The following GNPTAB variants were observed in gnomAD, a reference collection of about 807,000 sequenced individuals.
GNPTAB encodes N-acetylglucosamine-1-phosphotransferase subunits alpha/beta.
A neutral mutation model predicts 136.6 loss-of-function variants in GNPTAB; 92 were observed. That is an observed-to-expected ratio of 0.67 (90% CI 0.57 to 0.80). The LOEUF (loss-of-function observed/expected upper bound fraction) is 0.80, where lower values mean the gene tolerates loss of function less well. GNPTAB is among the 30% of genes least tolerant of loss of function. GNPTAB has a pLI of 0.00. For synonymous variants in GNPTAB, 512 were observed against 535.1 expected (o/e 0.96, Z 0.60); for missense variants, 1,343 against 1,501.8 (o/e 0.89, Z 1.75).
intron 3 of GNPTAB, 98 bp downstream of exon 3, chr12:101,789,840 T>C: frequency 1.2e-5 from 14 of 1,173,424 alleles, no homozygotes; most frequent in Admixed American, 5.0e-5. Context: ...ATTAGCATGA[T>C]GACTGGGTTT....
intron 1 of GNPTAB, among the ~76,000 whole-genome samples, chr12:101,829,386 G>A (rs1344173332): frequency 6.6e-6 from 1 of 152,146 alleles, no homozygotes; most frequent in African/African-American, 2.4e-5. Flanking sequence ...TCAGGAGGCT[G>A]AGGTAGGAGA....
chr12:101,766,849 G>T (rs11111009), intron 11 of GNPTAB, among the ~76,000 whole-genome samples: 5,883 of 152,258 alleles, frequency 0.039, 417 homozygotes, highest in East Asian at 0.31. Context: ...CAAGTACAGG[G>T]CTTACATTTG....
rs111557137 is a variant in GNPTAB at position 101,813,757 on chromosome 12, T to C, written c.117+16802A>G. On this transcript the variant is annotated intron_variant, in intron 1 of 20. Coordinates refer to ENST00000299314, the MANE Select transcript of GNPTAB (RefSeq NM_024312.5). ...GCTAACACCTGTAAACTCAGCACTT[T>C]GGGAGGCCAAGGCAGGAGGATCACT... is the stretch of plus-strand genomic sequence containing the variant. Among the ~76,000 whole-genome samples, 1,155 of 152,176 alleles carry C rather than the reference T, an allele frequency of 7.6e-3. 18 individuals carry two copies. Among genetic ancestry groups the C allele is most frequent in the African/African-American group, 0.026 (1,075 of 41,518 alleles).
At chr12:101,761,486 T>A (rs1952993931) in intron 14 of GNPTAB, 78 bp downstream of exon 14, 1 of 1,468,292 alleles carries the variant, frequency 6.8e-7, no homozygotes. Flanking sequence ...GCTATAAATT[T>A]AGCATGGTAA....
rs183530599 is a variant in GNPTAB, at chr12:101,804,081, A to T, written c.118-7319T>A. On this transcript the variant is annotated intron_variant, in intron 1 of 20. Coordinates refer to ENST00000299314, the MANE Select transcript of GNPTAB (RefSeq NM_024312.5). ...ACCTTGTCTCTATTTAAAAAAAAAA[A>T]ATTTTTAAAGTTAGCCAAGCCTGGT... 4.9e-3 allele frequency among the ~76,000 whole-genome samples: 750 copies of T among 152,118 alleles called. 6 individuals carry two copies. The highest frequency in any genetic ancestry group is 5.4e-3 in the Non-Finnish European group (370 of 67,976).
rs767720615 is a variant in GNPTAB, at chr12:101,786,124, G to A, written c.459C>T (p.Asp153=). The change falls in exon 5 of 21, where the codon GAC becomes GAT. Residue 153 remains aspartate (D), a synonymous_variant. Coordinates refer to ENST00000299314, the MANE Select transcript of GNPTAB (RefSeq NM_024312.5). ...GAAAAGAAGGATAAAGAGATGGCAG[G>A]TCCTTCAGGGTGATGTTGGCTGGCA... ...PALPANITLK[D]LPSLYPSFHS... 16 of 1,613,900 alleles carry A rather than the reference G, an allele frequency of 9.9e-6. No individual in the cohort carries two copies. The highest frequency in any genetic ancestry group is 1.3e-5 in the Non-Finnish European group (15 of 1,179,938).
At chr12:101,826,873 A>T (rs896210945) in intron 1 of GNPTAB, among the ~76,000 whole-genome samples, 5 of 151,054 alleles carry the variant, frequency 3.3e-5, no homozygotes, top group Non-Finnish European at 2.9e-5. Context: ...TAGACTGATT[A>T]CCTGCTACCT....
Position 101,747,153 on chromosome 12 carries a change from A to T in GNPTAB, c.*11T>A. ...AAATGCTGAGGTAGATGGTTTTCAA[A>T]TGAAGATCTTCTATACTCTGATTCG... On this transcript the variant is annotated 3_prime_UTR_variant, in exon 21 of 21. Transcript: ENST00000299314. 1.4e-6 allele frequency: 2 copies of T among 1,474,598 alleles called. No homozygotes were observed. Among genetic ancestry groups the T allele is most frequent in the Non-Finnish European group, 1.9e-6 (2 of 1,052,832 alleles). 91.3% of individuals were successfully genotyped at this position (1,474,598 alleles called of 1,614,324 possible). A position where few individuals can be genotyped will look rare whatever the true frequency, so the allele number is the denominator to read the frequency against.
chr12:101,764,060 T>C (rs1481397328), intron 13 of GNPTAB, 142 bp downstream of exon 13: 4 of 1,076,742 alleles, frequency 3.7e-6, no homozygotes, highest in South Asian at 1.5e-5. Flanking sequence ...ATTGGGTAAA[T>C]TAAATGAAAC....
chr12:101,751,384 T>C (rs1303845469), intron 19 of GNPTAB, among the ~76,000 whole-genome samples: 2 of 152,192 alleles, frequency 1.3e-5, no homozygotes, highest in Non-Finnish European at 2.9e-5. Context: ...CTGGTATCTG[T>C]CTCCCTGGAT....
intron 1 of GNPTAB, among the ~76,000 whole-genome samples, chr12:101,830,183 A>C (rs528474522): frequency 6.6e-6 from 1 of 152,346 alleles, no homozygotes; most frequent in South Asian, 2.1e-4. Context: ...ACTTGAGCCC[A>C]GGACTTCCAG....
intron 1 of GNPTAB, among the ~76,000 whole-genome samples, chr12:101,798,800 C>G (rs565893604): frequency 6.6e-6 from 1 of 152,088 alleles, no homozygotes; most frequent in Admixed American, 6.5e-5. Context: ...CTGCATGTTG[C>G]GGTAAAAAGT....
intron 1 of GNPTAB, among the ~76,000 whole-genome samples, chr12:101,807,371 G>A (rs781195338): frequency 1.3e-5 from 2 of 152,216 alleles, no homozygotes; most frequent in East Asian, 3.9e-4. Flanking sequence ...CCAGGAACAA[G>A]ACAAGTGTGG....
rs1870291236 is a variant in GNPTAB, at chr12:101,812,522, G to T, written c.118-15760C>A. On this transcript the variant is annotated intron_variant, in intron 1 of 20. Coordinates refer to ENST00000299314, the MANE Select transcript of GNPTAB (RefSeq NM_024312.5). ...TGTAATCCCAGCACTTTCGGAAGCT[G>T]AGGTGGGAGGACTGCTTGAGTCCAC... 3.3e-5 allele frequency among the ~76,000 whole-genome samples: 5 copies of T among 152,192 alleles called. No individual in the cohort carries two copies. The South Asian group carries it at 1.0e-3, about 31-fold the overall frequency.
chr12:101,770,257 AAAGG>A, intron 9 of GNPTAB, 66 bp from the exon 10 acceptor site: 4 of 1,551,418 alleles, frequency 2.6e-6, no homozygotes, highest in Non-Finnish European at 2.7e-6. Context: ...TTAGTTTTTG[AAAGG>A]AAGGAAGGGA....
At chr12:101,812,242 C>T (rs1870277082) in intron 1 of GNPTAB, among the ~76,000 whole-genome samples, 1 of 152,132 alleles carries the variant, frequency 6.6e-6, no homozygotes, top group Admixed American at 6.5e-5. Context: ...GAGTGAGACC[C>T]TGTCTCAAAA....
intron 4 of GNPTAB, among the ~76,000 whole-genome samples, chr12:101,787,182 G>C (rs1868703380): frequency 6.6e-6 from 1 of 152,116 alleles, no homozygotes; most frequent in South Asian, 2.1e-4. Flanking sequence ...CCCACACACA[G>C]AAAATGCCAC....
At chr12:101,770,854 A>G (rs1321110169) in intron 8 of GNPTAB, 142 bp downstream of exon 8, 1 of 856,616 alleles carries the variant, frequency 1.2e-6, no homozygotes, top group East Asian at 2.5e-5. Context: ...TACCAAACCA[A>G]TGGCAGTGAC....
At chr12:101,782,586 T>G (rs996516579) in intron 5 of GNPTAB, among the ~76,000 whole-genome samples, 3 of 152,160 alleles carry the variant, frequency 2.0e-5, no homozygotes, top group Non-Finnish European at 4.4e-5. Flanking sequence ...TTGCCCCTCC[T>G]CAGTCTATTT....
Sources: gnomAD v4.1 joint callset for allele counts (sites outside exome capture counted in the v4.1 genomes callset) on GRCh38, gnomAD v4.1.1 for gene constraint, MANE v1.5 for transcripts, NCBI Gene and HGNC (gene_info 2026-07-23, HGNC 2026-07-21) for gene names.